SOCS5: variants seen among roughly 807,000 people sequenced by gnomAD.
SOCS5 encodes the protein CIS-6.
In SOCS5, 32 loss-of-function variants were observed where a neutral mutation model predicts 42.8. The observed-to-expected ratio is 0.75, with a 90% CI of 0.56 to 1.01. SOCS5 has a LOEUF of 1.01. SOCS5 is among the 50% of genes least tolerant of loss of function. The probability of loss-of-function intolerance (pLI) is 0.00; values close to 1 mark genes in which losing one functional copy is unlikely to be tolerated. For missense variants in SOCS5, 627 were observed against 653.0 expected, an observed-to-expected ratio of 0.96 and a Z score of 0.43; for synonymous variants, 283 against 229.6, an observed-to-expected ratio of 1.23 and a Z score of -2.10.
intron 1 of SOCS5, among the ~76,000 whole-genome samples, chr2:46,710,860 C>T (rs902700259): frequency 3.9e-5 from 6 of 152,190 alleles, no homozygotes; most frequent in Non-Finnish European, 7.3e-5. Context: ...TCTCCTTTTC[C>T]GTGGCTGCAG....
chr2:46,750,189 G>A (rs1673593168), intron 1 of SOCS5, among the ~76,000 whole-genome samples: 1 of 152,052 alleles, frequency 6.6e-6, no homozygotes. Flanking sequence ...TTGCCTATCC[G>A]CTTTTCATTC....
chr2:46,751,715 A>C (rs1673626139), intron 1 of SOCS5, among the ~76,000 whole-genome samples: 1 of 152,190 alleles, frequency 6.6e-6, no homozygotes, highest in African/African-American at 2.4e-5. Flanking sequence ...ATCTTAGAGT[A>C]TTGATCTTCA....
Position 46,716,733 on chromosome 2 carries a change from C to G in SOCS5, c.-13+17284C>G, listed in dbSNP as rs143864542. On this transcript the variant is annotated intron_variant, in intron 1 of 1. Coordinates refer to ENST00000394861, the MANE Select transcript of SOCS5 (RefSeq NM_144949.3). ...TCAAGCAGTCCTTCTGCCCCAGCCT[C>G]CCCAAATGCTGGGATTACAGGCATG... Among the ~76,000 whole-genome samples the G allele has an allele frequency of 4.7e-4, 71 of 152,290 alleles. No homozygotes were observed. In the East Asian group the frequency reaches 0.013, roughly 28 times the overall value.
rs1227482164 is a variant in SOCS5 at position 46,701,819 on chromosome 2, TA to T, written c.-13+2374del. The stretch of plus-strand genomic sequence containing the variant: ...GTTTAGCATTCTATAATTTTTATGC[TA>T]AAATTAATTGCTTAAAAGATTTTCA... On this transcript the variant is annotated intron_variant, in intron 1 of 1. Transcript: ENST00000394861. Among the ~76,000 whole-genome samples the T allele has an allele frequency of 4.2e-5, 6 of 143,400 alleles. 2 individuals carry two copies. Among genetic ancestry groups the T allele is most frequent in the African/African-American group, 1.6e-4 (6 of 37,062 alleles). 94.1% of individuals were successfully genotyped at this position (143,400 alleles called of 152,430 possible).
At chr2:46,728,848 C>T (rs1397673624) in intron 1 of SOCS5, among the ~76,000 whole-genome samples, 3 of 152,146 alleles carry the variant, frequency 2.0e-5, no homozygotes, top group Admixed American at 6.5e-5. Context: ...TGAGCCACCA[C>T]GCTGGCCAGC....
chr2:46,751,267 T>C (rs1490473285), intron 1 of SOCS5, among the ~76,000 whole-genome samples: 1 of 152,148 alleles, frequency 6.6e-6, no homozygotes, highest in Non-Finnish European at 1.5e-5. Context: ...TTTTTCAAGA[T>C]TCAGCTTTTT....
At chr2:46,702,889 C>T (rs1419747053) in intron 1 of SOCS5, among the ~76,000 whole-genome samples, 1 of 152,172 alleles carries the variant, frequency 6.6e-6, no homozygotes, top group Non-Finnish European at 1.5e-5. Flanking sequence ...TTCTGTGCTT[C>T]TGCCTTCTCA....
At chr2:46,730,019 C>T (rs1673081126) in intron 1 of SOCS5, among the ~76,000 whole-genome samples, 1 of 152,120 alleles carries the variant, frequency 6.6e-6, no homozygotes, top group Admixed American at 6.5e-5. Context: ...TTGTCCTGAG[C>T]ATACACTTGG....
At chr2:46,751,039 T>C (rs189117621) in intron 1 of SOCS5, among the ~76,000 whole-genome samples, 70 of 152,196 alleles carry the variant, frequency 4.6e-4, no homozygotes, top group Admixed American at 1.0e-3. Flanking sequence ...CAAAAAGAGG[T>C]AGAGAAGCTG....
At chr2:46,736,246 T>C (rs542372633) in intron 1 of SOCS5, among the ~76,000 whole-genome samples, 1 of 152,168 alleles carries the variant, frequency 6.6e-6, no homozygotes, top group Admixed American at 6.5e-5. Flanking sequence ...CCTCACTATA[T>C]TACCCAGGCT....
rs1446902805 is a variant in SOCS5 at position 46,699,690 on chromosome 2, C to G, written c.-13+241C>G. Among the ~76,000 whole-genome samples the G allele has an allele frequency of 6.6e-6, 1 of 152,160 alleles. No homozygotes were observed. The highest frequency in any genetic ancestry group is 2.4e-5 in the African/African-American group (1 of 41,464). ...ACGCCGCTCACAGTGGGAGCTTGCG[C>G]TTAGTAGGCTCTCGATGCATTTCTG... On this transcript the variant is annotated intron_variant, in intron 1 of 1. Transcript: ENST00000394861. This position sits in a 1 kb window ranked among gnomAD's most constrained non-coding sequence, Gnocchi z 4.8.
chr2:46,755,078 T>TA (rs1176626375), intron 1 of SOCS5, among the ~76,000 whole-genome samples: 1 of 152,176 alleles, frequency 6.6e-6, no homozygotes, highest in Non-Finnish European at 1.5e-5. Flanking sequence ...GGAAAGGTGT[T>TA]ACAGCTGAGA....
intron 1 of SOCS5, among the ~76,000 whole-genome samples, chr2:46,731,533 A>G (rs962875679): frequency 6.6e-6 from 1 of 152,264 alleles, no homozygotes; most frequent in Non-Finnish European, 1.5e-5. Context: ...ATTGAAATAA[A>G]CAGGAAAGGA....
intron 1 of SOCS5, among the ~76,000 whole-genome samples, chr2:46,720,557 G>A (rs1672855593): frequency 6.6e-6 from 1 of 152,182 alleles, no homozygotes; most frequent in African/African-American, 2.4e-5. Context: ...AAAACCAGAA[G>A]TAAAATCCAG....
At chr2:46,743,618 A>G (rs1034945105) in intron 1 of SOCS5, among the ~76,000 whole-genome samples, 1 of 152,184 alleles carries the variant, frequency 6.6e-6, no homozygotes, top group Non-Finnish European at 1.5e-5. Context: ...CCTGTGACTT[A>G]GAATGCCTTA....
chr2:46,753,089 A>G (rs997421417), intron 1 of SOCS5, among the ~76,000 whole-genome samples: 9 of 152,148 alleles, frequency 5.9e-5, no homozygotes, highest in African/African-American at 1.2e-4. Context: ...TCATCTTGAC[A>G]CACTTCCCTT....
At chr2:46,722,263 C>G (rs41329944) in intron 1 of SOCS5, among the ~76,000 whole-genome samples, 1 of 151,982 alleles carries the variant, frequency 6.6e-6, no homozygotes, top group Non-Finnish European at 1.5e-5. Context: ...TGTCTTCATT[C>G]TCCTGTTTCA....
chr2:46,744,233 G>A (rs1020818837), intron 1 of SOCS5, among the ~76,000 whole-genome samples: 4 of 152,024 alleles, frequency 2.6e-5, no homozygotes, highest in Admixed American at 2.6e-4. Flanking sequence ...CAAGTGATCC[G>A]CCTGCCTCGG....
intron 1 of SOCS5, among the ~76,000 whole-genome samples, chr2:46,715,604 G>A (rs774349814): frequency 2.4e-4 from 37 of 151,928 alleles, no homozygotes; most frequent in Admixed American, 9.2e-4. Context: ...GATCCCCTCC[G>A]CCCACCATCT....
Sources: allele counts gnomAD v4.1 joint callset (sites outside exome capture counted in the v4.1 genomes callset), GRCh38; gene constraint gnomAD v4.1.1; non-coding constraint Gnocchi (gnomAD v3.1); transcripts MANE v1.5; gene names NCBI Gene and HGNC (gene_info 2026-07-23, HGNC 2026-07-21).